Variants in TLR8 observed in about 807,000 individuals in gnomAD.
TLR8 encodes toll-like receptor 8.
In TLR8, 5 loss-of-function variants were observed where a neutral mutation model predicts 18.5. The ratio of observed to expected loss-of-function variants is 0.27; its 90% CI spans 0.14 to 0.57. TLR8 has a LOEUF of 0.57. Ranked by LOEUF, TLR8 falls within the 20% of genes least tolerant of loss-of-function variation. The pLI is 0.92. For missense variants in TLR8, 543 were observed against 769.8 expected (o/e 0.71, Z 3.49); for synonymous variants, 299 against 300.1 (o/e 1.00, Z 0.04).
chrX:12,909,749 G>T (rs2043008135), intron 1 of TLR8, among the ~76,000 whole-genome samples: 1 of 111,499 alleles, frequency 9.0e-6, no homozygotes, highest in African/African-American at 3.3e-5. Context: ...GTAAATCTAG[G>T]GTCACTTTCA....
At chrX:12,915,586 A>G (rs5744060) in intron 1 of TLR8, among the ~76,000 whole-genome samples, 4,019 of 112,536 alleles carry the variant, frequency 0.036, 161 homozygotes, top group African/African-American at 0.12. Flanking sequence ...GAGAACCTCA[A>G]CGACATCTCC....
chrX:12,922,627 A>G lies in TLR8; in HGVS notation c.*461A>G, dbSNP rs2043104239. The G allele has an allele frequency of 8.7e-6, 1 of 115,252 alleles. No individual in the cohort carries two copies. Among genetic ancestry groups the G allele is most frequent in the Non-Finnish European group, 1.8e-5 (1 of 55,307 alleles). The allele number at this position is 115,252 out of a possible 1,213,427, so 9.5% of individuals were successfully genotyped here. A position where few individuals can be genotyped will look rare whatever the true frequency, so the allele number is the denominator to read the frequency against. On this transcript the variant is annotated 3_prime_UTR_variant, in exon 2 of 2. Transcript: ENST00000218032. Reference sequence around the variant, plus strand: ...ATATTCTATTTGTTAGAAGTAAACCACAGGTCCCACCAGCTCCATGGGAGT... The same window carrying G: ...ATATTCTATTTGTTAGAAGTAAACCGCAGGTCCCACCAGCTCCATGGGAGT...
chrX:12,920,151 G>A lies in TLR8; in HGVS notation c.1111G>A (p.Ala371Thr). The A allele has an allele frequency of 8.3e-7, 1 of 1,211,135 alleles. No homozygotes were observed. Residue 371 changes from alanine (A) to threonine (T), a missense_variant, in exon 2 of 2, where the codon GCA becomes ACA. Ala to Thr is a moderately conservative substitution (Grantham distance 58). Around this residue, in one of 4 missense-constraint regions of TLR8, gnomAD observed 185 missense variants for 298.9 expected, o/e 0.62. Transcript: ENST00000218032. ...CTTCTCTAAACTTTTGTCTCTACGGGCATTGCATTTAAGAGGTTATGTGTT... is the reference window on the plus strand; with the variant it reads ...CTTCTCTAAACTTTTGTCTCTACGGACATTGCATTTAAGAGGTTATGTGTT... ...RNFSKLLSLR[A>T]LHLRGYVFQE...
At chrX:12,908,520 G>T (rs1458811103) in intron 1 of TLR8, among the ~76,000 whole-genome samples, 1 of 112,722 alleles carries the variant, frequency 8.9e-6, no homozygotes, top group Non-Finnish European at 1.9e-5. Flanking sequence ...AATCAGAGGG[G>T]GAGCTTTCAA....
chrX:12,913,087 C>T (rs2043031971), intron 1 of TLR8, among the ~76,000 whole-genome samples: 1 of 112,065 alleles, frequency 8.9e-6, no homozygotes, highest in African/African-American at 3.2e-5. Context: ...GACATATTCT[C>T]CTTGGGCCTT....
chrX:12,912,293 C>T (rs2043026985), intron 1 of TLR8, among the ~76,000 whole-genome samples: 1 of 112,605 alleles, frequency 8.9e-6, no homozygotes, highest in African/African-American at 3.2e-5. Context: ...GACCAGATGC[C>T]CTTTGATATC....
At chrX:12,910,349 T>A (rs1191165043) in intron 1 of TLR8, 2 of 1,164,757 alleles carry the variant, frequency 1.7e-6, no homozygotes, top group East Asian at 6.5e-5. Flanking sequence ...GCAAGACCCA[T>A]CCCAGGAGAC....
In TLR8 at chrX:12,912,265, CCTT is replaced by C. The variant is rs766130878; in HGVS notation, c.3+5559_3+5561del. Among the ~76,000 whole-genome samples, 24 of 112,850 alleles carry C rather than the reference CCTT, an allele frequency of 2.1e-4. No individual in the cohort carries two copies. The South Asian group carries it at 7.2e-3, about 34-fold the overall frequency. Reference sequence around the variant, plus strand: ...AATGAGGGTGACTTCTCATTAGTATCCTTCTCACTTCATCTGGGACCAGATGCC... The same window carrying C: ...AATGAGGGTGACTTCTCATTAGTATCCTCACTTCATCTGGGACCAGATGCC... On this transcript the variant is annotated intron_variant, in intron 1 of 1. Transcript: ENST00000218032.
intron 1 of TLR8, among the ~76,000 whole-genome samples, chrX:12,917,643 G>T (rs766889412): frequency 8.9e-6 from 1 of 111,908 alleles, no homozygotes; most frequent in South Asian, 3.7e-4. Context: ...GCATTGTATG[G>T]TTACCAAAAG....
rs1275065524 is a variant in TLR8 at position 12,921,953 on chromosome X, C to T, written c.2913C>T (p.Asn971=). 8.3e-7 allele frequency: 1 copy of T among 1,211,065 alleles called. No homozygotes were observed. Among genetic ancestry groups the T allele is most frequent in the East Asian group, 3.0e-5 (1 of 33,846 alleles). The stretch of plus-strand genomic sequence containing the variant: ...CTTTGCAGAGGCTAATGGATGAGAA[C>T]ATGGATGTGATTATATTTATCCTGC... ...YLALQRLMDE[N]MDVIIFILLE... Residue 971 remains asparagine, a synonymous_variant, in exon 2 of 2, where the codon AAC becomes AAT. Transcript: ENST00000218032.
chrX:12,914,411 ACT>A (rs2043040749), intron 1 of TLR8, among the ~76,000 whole-genome samples: 2 of 111,445 alleles, frequency 1.8e-5, no homozygotes. Flanking sequence ...CTCTGTCAGA[ACT>A]CTCTTCTGAG....
chrX:12,909,695 A>G (rs745838274), intron 1 of TLR8, among the ~76,000 whole-genome samples: 1 of 111,705 alleles, frequency 9.0e-6, no homozygotes, highest in Admixed American at 9.5e-5. Context: ...ATCATGGCCA[A>G]CTAGCCCCTT....
At chrX:12,915,168 C>CT (rs769562893) in intron 1 of TLR8, among the ~76,000 whole-genome samples, 1 of 110,857 alleles carries the variant, frequency 9.0e-6, no homozygotes, top group East Asian at 2.8e-4. Flanking sequence ...CTACTCTGGC[C>CT]TTTTTTTCCT....
rs1261623458 is a variant in TLR8, at chrX:12,922,426, C to G, written c.*260C>G. ...GGGGTCACACTCATGTGGTTGTTTT[C>G]TGGATTCAATTCCTCCTGGGCTATT... On this transcript the variant is annotated 3_prime_UTR_variant, in exon 2 of 2. Coordinates refer to ENST00000218032, the MANE Select transcript of TLR8 (RefSeq NM_138636.5). 1 of 338,316 alleles carries G rather than the reference C, an allele frequency of 3.0e-6. No homozygotes were observed. The highest frequency in any genetic ancestry group is 2.7e-5 in the African/African-American group (1 of 37,530). The allele number at this position is 338,316 out of a possible 1,213,427, so 27.9% of individuals were successfully genotyped here.
At chrX:12,910,071 A>G (rs2043010660) in intron 1 of TLR8, among the ~76,000 whole-genome samples, 1 of 112,339 alleles carries the variant, frequency 8.9e-6, no homozygotes, top group Non-Finnish European at 1.9e-5. Flanking sequence ...TAAAGTATCT[A>G]TTATTAATTG....
intron 1 of TLR8, among the ~76,000 whole-genome samples, chrX:12,915,858 G>A (rs2043051344): frequency 9.0e-6 from 1 of 111,061 alleles, no homozygotes; most frequent in African/African-American, 3.3e-5. Context: ...TCAACCTTAG[G>A]ATTGCAGTTC....
At chrX:12,915,082 A>AT (rs1946219127) in intron 1 of TLR8, among the ~76,000 whole-genome samples, 1 of 112,444 alleles carries the variant, frequency 8.9e-6, no homozygotes, top group Non-Finnish European at 1.9e-5. Context: ...ACATGTATAC[A>AT]TATTTCGAAA....
Position 12,921,201 on chromosome X carries a change from C to T in TLR8, c.2161C>T (p.His721Tyr). The T allele has an allele frequency of 3.3e-6, 4 of 1,211,941 alleles. No homozygotes were observed. The highest frequency in any genetic ancestry group is 4.3e-5 in the Admixed American group (2 of 46,045). ...TSSLRTLLLSHNRISHLPSGF... is the reference protein window; with the variant it reads ...TSSLRTLLLSYNRISHLPSGF... The stretch of plus-strand genomic sequence containing the variant: ...TTCCCTTCGGACACTGCTGCTGAGT[C>T]ATAACAGGATTTCCCACCTACCCTC... Residue 721 changes from histidine (H) to tyrosine (Y), a missense_variant, in exon 2 of 2, where the codon CAT becomes TAT. Physicochemically the swap from His to Tyr is moderately conservative, Grantham distance 83. Transcript: ENST00000218032.
At chrX:12,914,709 T>C (rs1212629880) in intron 1 of TLR8, among the ~76,000 whole-genome samples, 1 of 111,310 alleles carries the variant, frequency 9.0e-6, no homozygotes, top group Non-Finnish European at 1.9e-5. Flanking sequence ...TCTATCTCTA[T>C]TGCCACCACC....
Sources: gnomAD v4.1 joint callset for allele counts (sites outside exome capture counted in the v4.1 genomes callset) on GRCh38, gnomAD v4.1.1 for gene constraint, gnomAD v4.1.1 regional missense constraint, MANE v1.5 for transcripts, NCBI Gene and HGNC (gene_info 2026-07-23, HGNC 2026-07-21) for gene names.